Variants in APBB2 observed in about 807,000 individuals in gnomAD.
The protein encoded by APBB2 is amyloid beta precursor protein binding family B member 2, also known as Fe65-like 1.
In APBB2, 38 loss-of-function variants were observed where a neutral mutation model predicts 82.5. That is an observed-to-expected ratio of 0.46 (90% CI 0.36 to 0.60). The LOEUF is 0.60. Among genes scored for constraint, APBB2 ranks in the 20% least tolerant of loss-of-function variants. The probability of loss-of-function intolerance (pLI) is 0.00; values close to 1 mark genes in which losing one functional copy is unlikely to be tolerated. For missense variants in APBB2, 772 were observed against 972.3 expected, an observed-to-expected ratio of 0.79 and a Z score of 2.74; for synonymous variants, 341 against 368.2, an observed-to-expected ratio of 0.93 and a Z score of 0.85.
At position 40,929,107 on chromosome 4, in the gene APBB2, C is replaced by A. The variant is rs1341470720; in HGVS notation, c.1254+5349G>T. Among the ~76,000 whole-genome samples, 8 of 151,708 alleles carry A rather than the reference C, an allele frequency of 5.3e-5. No individual in the cohort carries two copies. In the East Asian group the frequency reaches 1.5e-3, roughly 29 times the overall value. ...GTTTGTACTGTGATTCTGTAGGATA[C>A]AACATGACGGCGATCTGGAGAAGGG... On this transcript the variant is annotated intron_variant, in intron 10 of 17. Transcript: ENST00000508593.
At chr4:40,956,578 A>G (rs981951485) in intron 6 of APBB2, among the ~76,000 whole-genome samples, 1 of 152,084 alleles carries the variant, frequency 6.6e-6, no homozygotes, top group African/African-American at 2.4e-5. Flanking sequence ...TATTCAATTG[A>G]ACTTCCCTGT....
chr4:40,838,138 TTATTATTA>T (rs1754605830), intron 12 of APBB2, among the ~76,000 whole-genome samples: 12 of 20,168 alleles, frequency 6.0e-4, no homozygotes, highest in African/African-American at 3.8e-3. Flanking sequence ...CAAGTGGGCA[TTATTATTA>T]TTATTATTAT....
At chr4:40,942,553 C>G (rs1026752231) in intron 7 of APBB2, among the ~76,000 whole-genome samples, 5 of 152,092 alleles carry the variant, frequency 3.3e-5, no homozygotes, top group Non-Finnish European at 1.5e-5. Context: ...TCAGGAGACT[C>G]CTGAGAAGAT....
intron 1 of APBB2, among the ~76,000 whole-genome samples, chr4:41,148,101 C>A (rs1447975370): frequency 1.3e-5 from 2 of 152,104 alleles, no homozygotes; most frequent in Admixed American, 1.3e-4. Flanking sequence ...CAAAAAGAAT[C>A]TATCACAGGT....
chr4:40,937,658 C>G (rs1375298747), intron 7 of APBB2, among the ~76,000 whole-genome samples: 1 of 152,142 alleles, frequency 6.6e-6, no homozygotes, highest in East Asian at 1.9e-4. Context: ...ATGACTGGGC[C>G]AAAGATCTTT....
intron 2 of APBB2, among the ~76,000 whole-genome samples, chr4:41,140,393 C>A (rs988468288): frequency 6.6e-6 from 1 of 152,154 alleles, no homozygotes; most frequent in African/African-American, 2.4e-5. Context: ...TTTTTTAAAT[C>A]TTTTTAATGT....
intron 12 of APBB2, among the ~76,000 whole-genome samples, chr4:40,863,864 A>G (rs1266140284): frequency 2.3e-5 from 3 of 130,350 alleles, no homozygotes; most frequent in Non-Finnish European, 4.8e-5. Context: ...ACTGCACTCC[A>G]GCCTGGGTGA....
chr4:40,937,713 C>G (rs575578787), intron 7 of APBB2, among the ~76,000 whole-genome samples: 8 of 152,270 alleles, frequency 5.3e-5, no homozygotes, highest in African/African-American at 1.9e-4. Context: ...TCAAATATGA[C>G]AAACTTTCTC....
chr4:40,977,658 G>A (rs192255284), intron 6 of APBB2, among the ~76,000 whole-genome samples: 5 of 152,220 alleles, frequency 3.3e-5, no homozygotes, highest in South Asian at 2.1e-4. Flanking sequence ...TCTCAAGAGC[G>A]TCTATATATA....
At chr4:41,065,301 A>C (rs2153890469) in intron 4 of APBB2, among the ~76,000 whole-genome samples, 1 of 152,290 alleles carries the variant, frequency 6.6e-6, no homozygotes, top group South Asian at 2.1e-4. Context: ...GAAAAGAAAA[A>C]TTTGGAAAAA....
chr4:41,028,812 C>CCCCA (rs1246976986), intron 5 of APBB2, among the ~76,000 whole-genome samples: 1 of 152,222 alleles, frequency 6.6e-6, no homozygotes, highest in Non-Finnish European at 1.5e-5. Flanking sequence ...GCCACAAAGG[C>CCCCA]CCCAGCACAG....
At chr4:41,077,685 C>CA (rs1200014745) in intron 3 of APBB2, among the ~76,000 whole-genome samples, 1 of 151,832 alleles carries the variant, frequency 6.6e-6, no homozygotes, top group Admixed American at 6.6e-5. Context: ...TGCCAGATCT[C>CA]AAAAAAATTC....
chr4:41,198,759 C>T (rs1165655937), intron 1 of APBB2, among the ~76,000 whole-genome samples: 1 of 152,212 alleles, frequency 6.6e-6, no homozygotes, highest in Non-Finnish European at 1.5e-5. Context: ...TTGGCAGAGC[C>T]ATGATCCCTC....
At chr4:40,824,956 G>A (rs913630472) in intron 15 of APBB2, among the ~76,000 whole-genome samples, 2 of 152,136 alleles carry the variant, frequency 1.3e-5, no homozygotes, top group African/African-American at 2.4e-5. Context: ...TCATATGAAC[G>A]TAATCACACA....
chr4:41,017,437 A>C (rs916363371), intron 5 of APBB2, among the ~76,000 whole-genome samples: 1 of 152,210 alleles, frequency 6.6e-6, no homozygotes, highest in Non-Finnish European at 1.5e-5. Flanking sequence ...CAAGGCTACA[A>C]GAAAGCAGCC....
At position 41,099,142 on chromosome 4, in the gene APBB2, C is replaced by T. The variant is rs554094854; in HGVS notation, c.-149+1497G>A. On this transcript the variant is annotated intron_variant, in intron 3 of 17. Transcript: ENST00000508593. ...CAACTAATTCATATTTTAGCAGAGA[C>T]TTGACATCCCTCAGAAATTACATGT... Among the ~76,000 whole-genome samples the T allele has an allele frequency of 2.6e-5, 4 of 152,230 alleles. No homozygotes were observed. In the East Asian group the frequency reaches 7.7e-4, roughly 29 times the overall value.
At chr4:40,974,511 A>T (rs893896668) in intron 6 of APBB2, among the ~76,000 whole-genome samples, 1 of 152,206 alleles carries the variant, frequency 6.6e-6, no homozygotes, top group Non-Finnish European at 1.5e-5. Context: ...TTAAAAGGAG[A>T]AAGATTTATA....
At chr4:40,987,121 G>C (rs542452658) in intron 6 of APBB2, among the ~76,000 whole-genome samples, 2 of 152,298 alleles carry the variant, frequency 1.3e-5, no homozygotes, top group Admixed American at 6.5e-5. Context: ...TTATCCTTAA[G>C]AGAAGTAGTA....
intron 2 of APBB2, among the ~76,000 whole-genome samples, chr4:41,111,498 A>G (rs1749182094): frequency 6.6e-6 from 1 of 152,214 alleles, no homozygotes; most frequent in Non-Finnish European, 1.5e-5. Context: ...TTCCCATTTA[A>G]AGAGTATATA....
Sources: gnomAD v4.1 joint callset for allele counts (sites outside exome capture counted in the v4.1 genomes callset) on GRCh38, gnomAD v4.1.1 for gene constraint, MANE v1.5 for transcripts, NCBI Gene and HGNC (gene_info 2026-07-23, HGNC 2026-07-21) for gene names.